The following SLC30A6 variants were observed in gnomAD, a reference collection of about 807,000 sequenced individuals.
SLC30A6 encodes the protein solute carrier family 30 member 6.
SLC30A6 carries 55 observed loss-of-function variants against 63.0 expected under a neutral mutation model. That is an observed-to-expected ratio of 0.87 (90% CI 0.70 to 1.09). The LOEUF (loss-of-function observed/expected upper bound fraction) is 1.09, where lower values mean the gene tolerates loss of function less well. Among genes scored for constraint, SLC30A6 ranks in the 50% least tolerant of loss-of-function variants. SLC30A6 has a pLI of 0.00. For synonymous variants in SLC30A6, 224 were observed against 186.1 expected, an observed-to-expected ratio of 1.20 and a Z score of -1.66; for missense variants, 587 against 549.2, an observed-to-expected ratio of 1.07 and a Z score of -0.69.
intron 4 of SLC30A6, among the ~76,000 whole-genome samples, chr2:32,183,435 C>T (rs1682520918): frequency 6.6e-6 from 1 of 152,008 alleles, no homozygotes; most frequent in Non-Finnish European, 1.5e-5. Context: ...AATCCCAGCA[C>T]TTTGGGGTGG....
At chr2:32,203,492 G>T in intron 10 of SLC30A6, 2 of 1,605,350 alleles carry the variant, frequency 1.2e-6, no homozygotes, top group Non-Finnish European at 1.7e-6. Flanking sequence ...ATTGGCTGCA[G>T]CTTTAGCCCA....
At position 32,220,409 on chromosome 2, in the gene SLC30A6, T is replaced by A. The variant is rs762179409; in HGVS notation, c.1082T>A (p.Met361Lys). 15 of 1,614,104 alleles carry A rather than the reference T, an allele frequency of 9.3e-6. No individual in the cohort carries two copies. The Admixed American group carries it at 1.3e-4, about 14-fold the overall frequency. The change falls in exon 14 of 14, where the codon ATG becomes AAG. Residue 361 changes from methionine (M) to lysine (K), a missense_variant. Physicochemically the swap from Met to Lys is moderately conservative, Grantham distance 95. Transcript: ENST00000282587. ...TTTTCAGATCATCACGTAATCCCAA[T>A]GCCTCTTTTAAAGGGTACTGATGAT... ...LNFSDHHVIPMPLLKGTDDLN... is the reference protein window; with the variant it reads ...LNFSDHHVIPKPLLKGTDDLN...
chr2:32,211,998 A>G (rs757269606), intron 13 of SLC30A6, among the ~76,000 whole-genome samples: 1 of 152,010 alleles, frequency 6.6e-6, no homozygotes, highest in Non-Finnish European at 1.5e-5. Context: ...TATTTGTTCT[A>G]TTCTCTTTCT....
rs115583764 is a variant in SLC30A6, at chr2:32,219,264, C to T, written c.886-949C>T. On this transcript the variant is annotated intron_variant, in intron 13 of 13. Transcript: ENST00000282587. Reference sequence around the variant, plus strand: ...GGTCAGGCTGGTCTCGAACTCCTGACGTCAGGGGTGATCCGCCCACCTCAG... The same window carrying T: ...GGTCAGGCTGGTCTCGAACTCCTGATGTCAGGGGTGATCCGCCCACCTCAG... 6.6e-3 allele frequency among the ~76,000 whole-genome samples: 998 copies of T among 151,714 alleles called. 14 individuals are homozygous for T. Among genetic ancestry groups the T allele is most frequent in the African/African-American group, 0.023 (962 of 41,370 alleles).
At position 32,192,348 on chromosome 2, in the gene SLC30A6, AGAAG is replaced by A. The variant is rs1221284313; in HGVS notation, c.298_301del (p.Glu100SerfsTer19). The A allele has an allele frequency of 1.9e-6, 3 of 1,613,950 alleles. No homozygotes were observed. The highest frequency in any genetic ancestry group is 2.7e-5 in the African/African-American group (2 of 74,942). On this transcript the variant is annotated frameshift_variant, in exon 6 of 14. Coordinates refer to ENST00000282587, the MANE Select transcript of SLC30A6 (RefSeq NM_017964.5). LOFTEE classifies it high-confidence loss of function. ...GTTTTGGTTTCAGGTTTGAAAGATT[AGAAG>A]TCCTGGCTGTATTTGCCTCCACAGT...
intron 7 of SLC30A6, among the ~76,000 whole-genome samples, chr2:32,193,366 G>A (rs149477344): frequency 2.0e-5 from 3 of 152,090 alleles, no homozygotes; most frequent in African/African-American, 7.2e-5. Context: ...CTTGAGTTCA[G>A]GAGTTCAAGA....
chr2:32,216,582 T>TAAATA lies in SLC30A6; in HGVS notation c.886-3629_886-3628insATAAA, dbSNP rs771956010. Among the ~76,000 whole-genome samples, 405 of 139,704 alleles carry TAAATA rather than the reference T, an allele frequency of 2.9e-3. 1 individual carries two copies. The highest frequency in any genetic ancestry group is 7.5e-3 in the Middle Eastern group (2 of 266). 91.7% of individuals were successfully genotyped at this position (139,704 alleles called of 152,430 possible). ...ATAAATAAATAAATAAATAAATAAA[T>TAAATA]AATAATAATGATAGTAGCCATTCTG... On this transcript the variant is annotated intron_variant, in intron 13 of 13. Transcript: ENST00000282587.
chr2:32,193,820 C>A, intron 7 of SLC30A6, 69 bp from the exon 8 acceptor site: 1 of 1,215,494 alleles, frequency 8.2e-7, no homozygotes, highest in Non-Finnish European at 1.2e-6. Flanking sequence ...AGTCCCTCTA[C>A]GTATTGAAAT....
chr2:32,182,516 C>G (rs1265131706), intron 4 of SLC30A6, among the ~76,000 whole-genome samples: 1 of 152,086 alleles, frequency 6.6e-6, no homozygotes, highest in African/African-American at 2.4e-5. Context: ...GTGTAGGATA[C>G]TTAATTCTAC....
At chr2:32,184,402 G>T (rs146246306) in intron 5 of SLC30A6, 64 bp downstream of exon 5, 2 of 880,150 alleles carry the variant, frequency 2.3e-6, no homozygotes, top group South Asian at 4.8e-5. Context: ...TATAGTAGAC[G>T]ATAAAGAGCT....
chr2:32,182,094 T>C (rs529381368), intron 4 of SLC30A6, among the ~76,000 whole-genome samples: 1 of 151,918 alleles, frequency 6.6e-6, no homozygotes, highest in South Asian at 2.1e-4. Flanking sequence ...CCACCACACC[T>C]GGCTAATTTT....
intron 4 of SLC30A6, 116 bp from the exon 5 acceptor site, chr2:32,184,157 A>T (rs1682599322): frequency 2.8e-6 from 1 of 358,006 alleles, no homozygotes; most frequent in Non-Finnish European, 5.1e-6. Flanking sequence ...TTTATTATTA[A>T]TTTAGTCTGT....
chr2:32,218,142 C>T lies in SLC30A6; in HGVS notation c.886-2071C>T, dbSNP rs1371619779. On this transcript the variant is annotated intron_variant, in intron 13 of 13. Transcript: ENST00000282587. ...TACTTTAAAAACATAATTTATGGAC[C>T]GGGCATGGTGGCTCACGCCCGTAAT... Among the ~76,000 whole-genome samples the T allele has an allele frequency of 2.0e-5, 3 of 151,876 alleles. No homozygotes were observed. The East Asian group carries it at 5.8e-4, about 29-fold the overall frequency.
chr2:32,178,964 A>C (rs1347167141), intron 4 of SLC30A6, among the ~76,000 whole-genome samples: 4 of 152,270 alleles, frequency 2.6e-5, no homozygotes, highest in Admixed American at 2.6e-4. Flanking sequence ...CCTGAGCTCA[A>C]ATGATCCAGC....
chr2:32,194,832 A>T (rs1027440699), intron 8 of SLC30A6, among the ~76,000 whole-genome samples: 6 of 152,176 alleles, frequency 3.9e-5, no homozygotes, highest in African/African-American at 1.4e-4. Context: ...AATTAAGATC[A>T]CTAGAATTTC....
rs1683475648 is a variant in SLC30A6 at position 32,193,027 on chromosome 2, C to T, written c.401+74C>T. 5.1e-6 allele frequency: 5 copies of T among 986,168 alleles called. No homozygotes were observed. The East Asian group carries it at 8.7e-5, about 17-fold the overall frequency. 61.1% of individuals were successfully genotyped at this position (986,168 alleles called of 1,614,324 possible). On this transcript the variant is annotated intron_variant, in intron 7 of 13. Coordinates refer to ENST00000282587, the MANE Select transcript of SLC30A6 (RefSeq NM_017964.5). ...AATTGATGTATTATTAAACAGTTGGCCAATGTCAGATTTCAGACTGTGGCA... is the reference window on the plus strand; with the variant it reads ...AATTGATGTATTATTAAACAGTTGGTCAATGTCAGATTTCAGACTGTGGCA...
At position 32,222,456 on chromosome 2, in the gene SLC30A6, C is replaced by T. The variant is rs972721064; in HGVS notation, c.*1743C>T. ...CATTCACTTTCAAATAGGAGCAGCA[C>T]TTTGAAATCCTTTTTCTTCACTGTG... On this transcript the variant is annotated 3_prime_UTR_variant, in exon 14 of 14. Transcript: ENST00000282587. 6.6e-6 allele frequency: 1 copy of T among 152,108 alleles called. No individual in the cohort carries two copies. Among genetic ancestry groups the T allele is most frequent in the Non-Finnish European group, 1.5e-5 (1 of 68,042 alleles). 9.4% of individuals were successfully genotyped at this position (152,108 alleles called of 1,614,324 possible).
Position 32,201,597 on chromosome 2 carries a change from G to A in SLC30A6, c.666-2993G>A, listed in dbSNP as rs1315750755. 2.7e-6 allele frequency: 4 copies of A among 1,491,164 alleles called. No individual in the cohort carries two copies. The African/African-American group carries it at 5.6e-5, about 21-fold the overall frequency. 92.4% of individuals were successfully genotyped at this position (1,491,164 alleles called of 1,614,324 possible). A position where few individuals can be genotyped will look rare whatever the true frequency, so the allele number is the denominator to read the frequency against. On this transcript the variant is annotated intron_variant, in intron 10 of 13. Transcript: ENST00000282587. ...GCCCGGAGGGAGGCAGCAGTGGCCA[G>A]TAATGCCTGGGAAACTCCTCTGGGG...
In SLC30A6 at chr2:32,221,903, T is replaced by C. The variant is rs960424148; in HGVS notation, c.*1190T>C. ...CATTCATTGGCTTTTTAATTTCTTA[T>C]TTTATTAACAAAATATATCAGATAT... On this transcript the variant is annotated 3_prime_UTR_variant, in exon 14 of 14. Transcript: ENST00000282587. 7 of 152,290 alleles carry C rather than the reference T, an allele frequency of 4.6e-5. No homozygotes were observed. The highest frequency in any genetic ancestry group is 1.9e-4 in the East Asian group (1 of 5,190). The allele number at this position is 152,290 out of a possible 1,614,324, so 9.4% of individuals were successfully genotyped here. A position where few individuals can be genotyped will look rare whatever the true frequency, so the allele number is the denominator to read the frequency against.
Sources: gnomAD v4.1 joint callset for allele counts (sites outside exome capture counted in the v4.1 genomes callset) on GRCh38, gnomAD v4.1.1 for gene constraint, MANE v1.5 for transcripts, NCBI Gene and HGNC (gene_info 2026-07-23, HGNC 2026-07-21) for gene names.